The following PYROXD2 variants were observed in gnomAD, a reference collection of about 807,000 sequenced individuals.
PYROXD2 encodes pyridine nucleotide-disulfide oxidoreductase domain-containing protein 2.
In PYROXD2, 69 loss-of-function variants were observed where a neutral mutation model predicts 71.1. That is an observed-to-expected ratio of 0.97 (90% CI 0.80 to 1.19). The LOEUF (loss-of-function observed/expected upper bound fraction) is 1.19, where lower values mean the gene tolerates loss of function less well. Among genes scored for constraint, PYROXD2 ranks in the 50% most tolerant of loss-of-function variants. PYROXD2 has a pLI of 0.00. For synonymous variants in PYROXD2, 287 were observed against 302.7 expected, an observed-to-expected ratio of 0.95 and a Z score of 0.54; for missense variants, 745 against 748.9, an observed-to-expected ratio of 0.99 and a Z score of 0.06.
At chr10:98,409,361 A>G (rs1426066226) in intron 2 of PYROXD2, among the ~76,000 whole-genome samples, 1 of 152,184 alleles carries the variant, frequency 6.6e-6, no homozygotes, top group Non-Finnish European at 1.5e-5. Flanking sequence ...CCTTCCTGAC[A>G]GTATCTAATC....
In PYROXD2 at chr10:98,387,189, G is replaced by A; in HGVS notation, c.1554+12C>T. The stretch of plus-strand genomic sequence containing the variant: ...AAGGCTATGGTGAGAGACCCCCTAG[G>A]CTTATACATACCCCTCCAGGAAGCC... On this transcript the variant is annotated intron_variant, in intron 14 of 15. Transcript: ENST00000370575. The A allele has an allele frequency of 6.2e-7, 1 of 1,601,982 alleles. No individual in the cohort carries two copies. The highest frequency in any genetic ancestry group is 8.6e-7 in the Non-Finnish European group (1 of 1,169,272).
Position 98,407,617 on chromosome 10 carries a change from G to A in PYROXD2, c.280C>T (p.Leu94=). The part of the protein sequence containing the change: ...FSRASYLLSL[L]RPQIYTDLEL... ...AGATCAGTGTAAATCTGCGGCCTCA[G>A]CAGGCTGAGCAGGTAGGACGCGCGG... Residue 94 remains leucine, a synonymous_variant, in exon 4 of 16, where the codon CTG becomes TTG. Transcript: ENST00000370575. The A allele has an allele frequency of 6.2e-7, 1 of 1,613,978 alleles. No individual in the cohort carries two copies.
chr10:98,395,290 G>A lies in PYROXD2; in HGVS notation c.691C>T (p.Leu231=), dbSNP rs1843126135. ...GGCTCAGACTCGAACCACTGATCCA[G>A]CACCTGGACAGCACAACAGCAGAGA... The part of the protein sequence containing the change: ...EVLTAPITKV[L]DQWFESEPLK... Residue 231 remains leucine (L), a synonymous_variant, in exon 8 of 16, where the codon CTG becomes TTG. Transcript: ENST00000370575. 9 of 1,614,206 alleles carry A rather than the reference G, an allele frequency of 5.6e-6. No homozygotes were observed. The highest frequency in any genetic ancestry group is 7.6e-6 in the Non-Finnish European group (9 of 1,180,024).
intron 8 of PYROXD2, 115 bp from the exon 9 acceptor site, chr10:98,393,198 C>T: frequency 1.2e-6 from 1 of 818,886 alleles, no homozygotes; most frequent in Non-Finnish European, 1.9e-6. Context: ...CACCATCCAG[C>T]CCTCTCCCAG....
intron 2 of PYROXD2, chr10:98,410,519 G>T: frequency 5.3e-6 from 1 of 186,928 alleles, no homozygotes. Flanking sequence ...CCTGGACCTG[G>T]CTGGGAACAC....
At chr10:98,396,145 C>T (rs776115127) in intron 6 of PYROXD2, among the ~76,000 whole-genome samples, 3 of 152,244 alleles carry the variant, frequency 2.0e-5, no homozygotes, top group Non-Finnish European at 4.4e-5. Context: ...TGCCTCTCAA[C>T]CCACCACAAC....
At chr10:98,397,244 A>G in intron 6 of PYROXD2, 101 bp downstream of exon 6, 6 of 1,434,784 alleles carry the variant, frequency 4.2e-6, no homozygotes, top group Middle Eastern at 2.6e-4. Context: ...CCCAGCTGGC[A>G]GGCTGCCATG....
chr10:98,386,818 C>T (rs759496333), intron 14 of PYROXD2, among the ~76,000 whole-genome samples: 1 of 152,274 alleles, frequency 6.6e-6, no homozygotes, highest in African/African-American at 2.4e-5. Context: ...AACCTGGCCT[C>T]CTATCTGGTC....
Position 98,391,094 on chromosome 10 carries a change from A to G in PYROXD2, c.1063-12T>C, listed in dbSNP as rs369509967. Reference sequence around the variant, plus strand: ...TCAGGAAGCCACTCCTGGAAGGAGAAGGCTCCATGAAAGGCCTCAGATGTC... The same window carrying G: ...TCAGGAAGCCACTCCTGGAAGGAGAGGGCTCCATGAAAGGCCTCAGATGTC... On this transcript the variant is annotated splice_polypyrimidine_tract_variant and intron_variant, in intron 10 of 15. Transcript: ENST00000370575. The G allele has an allele frequency of 4.4e-6, 7 of 1,591,544 alleles. No homozygotes were observed. The highest frequency in any genetic ancestry group is 2.6e-6 in the Non-Finnish European group (3 of 1,159,870).
intron 2 of PYROXD2, among the ~76,000 whole-genome samples, chr10:98,410,093 TAAAATAA>T (rs1484598213): frequency 1.6e-5 from 1 of 64,210 alleles, no homozygotes; most frequent in Non-Finnish European, 2.7e-5. Flanking sequence ...AAAATTAAAA[TAAAATAA>T]AATAAAATAA....
intron 4 of PYROXD2, among the ~76,000 whole-genome samples, chr10:98,404,798 G>A (rs891463537): frequency 2.0e-5 from 3 of 152,128 alleles, no homozygotes; most frequent in Non-Finnish European, 2.9e-5. Context: ...CCATAAAAAC[G>A]ACCGTTTCTG....
rs1158441846 is a variant in PYROXD2, at chr10:98,395,392, T to C, written c.686A>G (p.Lys229Arg). The change falls in exon 7 of 16, where the codon AAG becomes AGG. Residue 229 changes from lysine (K) to arginine (R), a missense_variant and splice_region_variant. Physicochemically the swap from Lys to Arg is conservative, Grantham distance 26. Coordinates refer to ENST00000370575, the MANE Select transcript of PYROXD2 (RefSeq NM_032709.3). Reference sequence around the variant, plus strand: ...GCCTGAGGCTGGGGAACCACTCACCTTGGTAATGGGAGCTGTGAGGACCTC... The same window carrying C: ...GCCTGAGGCTGGGGAACCACTCACCCTGGTAATGGGAGCTGTGAGGACCTC... ...YYEVLTAPIT[K>R]VLDQWFESEP... 1 of 1,614,062 alleles carries C rather than the reference T, an allele frequency of 6.2e-7. No homozygotes were observed. The highest frequency in any genetic ancestry group is 1.7e-5 in the Admixed American group (1 of 60,006).
At chr10:98,391,677 C>T (rs1842948995) in intron 10 of PYROXD2, among the ~76,000 whole-genome samples, 1 of 152,166 alleles carries the variant, frequency 6.6e-6, no homozygotes, top group Non-Finnish European at 1.5e-5. Flanking sequence ...CTTGGTCTGG[C>T]CAATGCTAGC....
intron 8 of PYROXD2, 64 bp downstream of exon 8, chr10:98,395,132 T>C (rs937742073): frequency 2.9e-5 from 41 of 1,403,960 alleles, no homozygotes; most frequent in Non-Finnish European, 4.0e-5. Flanking sequence ...ACTGCCACTG[T>C]TGTCCTCACT....
chr10:98,395,644 T>C (rs1452976042), intron 6 of PYROXD2, among the ~76,000 whole-genome samples, 192 bp from the exon 7 acceptor site: 1 of 152,146 alleles, frequency 6.6e-6, no homozygotes, highest in Non-Finnish European at 1.5e-5. Flanking sequence ...TGGGACACAT[T>C]TTTAACATCT....
chr10:98,403,499 T>TA (rs937127292), intron 4 of PYROXD2, among the ~76,000 whole-genome samples: 2 of 152,164 alleles, frequency 1.3e-5, no homozygotes, highest in African/African-American at 4.8e-5. Context: ...TGCACTTGGA[T>TA]AAAATGCAGT....
At chr10:98,389,451 T>C (rs976229313) in intron 12 of PYROXD2, among the ~76,000 whole-genome samples, 2 of 152,172 alleles carry the variant, frequency 1.3e-5, no homozygotes, top group Non-Finnish European at 2.9e-5. Context: ...GTTGGTCTTT[T>C]TAAAGCATAA....
Position 98,405,647 on chromosome 10 carries a change from C to T in PYROXD2, c.315+1935G>A, listed in dbSNP as rs371236485. Among the ~76,000 whole-genome samples the T allele has an allele frequency of 5.4e-4, 83 of 152,320 alleles. 1 individual carries two copies. The highest frequency in any genetic ancestry group is 3.4e-3 in the Middle Eastern group (1 of 294). On this transcript the variant is annotated intron_variant, in intron 4 of 15. Coordinates refer to ENST00000370575, the MANE Select transcript of PYROXD2 (RefSeq NM_032709.3). ...TGTGGAGCAGGGAGGCAGACGCAGCCGGCCGGTTTCCAGCAGCTCCAGTCT... is the reference window on the plus strand; with the variant it reads ...TGTGGAGCAGGGAGGCAGACGCAGCTGGCCGGTTTCCAGCAGCTCCAGTCT...
In PYROXD2 at chr10:98,392,930, G is replaced by A; in HGVS notation, c.927+12C>T. 1 of 1,612,760 alleles carries A rather than the reference G, an allele frequency of 6.2e-7. No individual in the cohort carries two copies. The highest frequency in any genetic ancestry group is 8.5e-7 in the Non-Finnish European group (1 of 1,179,258). ...TTACTAATAATTGGGGTGGGGTAGA[G>A]GGGCCGTTCACCTTTTCAGTGAAGA... On this transcript the variant is annotated intron_variant, in intron 9 of 15. Coordinates refer to ENST00000370575, the MANE Select transcript of PYROXD2 (RefSeq NM_032709.3).
Sources: gnomAD v4.1 joint callset for allele counts (sites outside exome capture counted in the v4.1 genomes callset) on GRCh38, gnomAD v4.1.1 for gene constraint, MANE v1.5 for transcripts, NCBI Gene and HGNC (gene_info 2026-07-23, HGNC 2026-07-21) for gene names.